CFAP45: variants seen among roughly 807,000 people sequenced by gnomAD.
The protein encoded by CFAP45 is cilia and flagella associated protein 45.
CFAP45 carries 43 observed loss-of-function variants against 75.6 expected under a neutral mutation model. The ratio of observed to expected loss-of-function variants is 0.57; its 90% CI spans 0.45 to 0.73. The LOEUF (loss-of-function observed/expected upper bound fraction) is 0.73, where lower values mean the gene tolerates loss of function less well. Ranked by LOEUF, CFAP45 falls within the 30% of genes least tolerant of loss-of-function variation. CFAP45 has a pLI of 0.00. For synonymous variants in CFAP45, 223 were observed against 244.6 expected (o/e 0.91, Z 0.82); for missense variants, 689 against 701.5 (o/e 0.98, Z 0.20).
Position 159,886,629 on chromosome 1 carries a change from T to C in CFAP45, c.649A>G (p.Ile217Val). The C allele has an allele frequency of 6.2e-7, 1 of 1,614,220 alleles. No individual in the cohort carries two copies. The highest frequency in any genetic ancestry group is 1.1e-5 in the South Asian group (1 of 91,086). The change falls in exon 6 of 12, where the codon ATC becomes GTC. Residue 217 changes from isoleucine (I) to valine (V), a missense_variant. Transcript: ENST00000368099. ...RDAQILEKQQ[I>V]QKELDTEEKR... is the part of the protein sequence containing the mutation. ...TCTTCTGTGTCCAGTTCTTTTTGGA[T>C]CTGCTGCTTCTCCAGGATTTGGGCA...
intron 7 of CFAP45, among the ~76,000 whole-genome samples, chr1:159,883,333 A>AAAAC (rs1228716669): frequency 9.2e-5 from 14 of 152,098 alleles, no homozygotes; most frequent in Non-Finnish European, 1.8e-4. Context: ...CTTCTAGATC[A>AAAAC]AAACAAACTA....
intron 1 of CFAP45, among the ~76,000 whole-genome samples, chr1:159,896,655 A>G (rs1295794278): frequency 6.6e-6 from 1 of 152,242 alleles, no homozygotes; most frequent in Non-Finnish European, 1.5e-5. Context: ...AAGCACATCC[A>G]GTCCTGCTTG....
At chr1:159,880,829 A>G (rs2101843842) in intron 7 of CFAP45, 129 bp from the exon 8 acceptor site, 1 of 783,958 alleles carries the variant, frequency 1.3e-6, no homozygotes, top group South Asian at 2.1e-5. Context: ...GTCCACAACT[A>G]TCCTTTGTTA....
chr1:159,890,997 G>C (rs1649817158), intron 2 of CFAP45, among the ~76,000 whole-genome samples: 1 of 152,070 alleles, frequency 6.6e-6, no homozygotes, highest in African/African-American at 2.4e-5. Flanking sequence ...GACCTCAGAT[G>C]ATCCGCCCGC....
At chr1:159,885,836 A>T (rs973789049) in intron 6 of CFAP45, among the ~76,000 whole-genome samples, 1 of 152,190 alleles carries the variant, frequency 6.6e-6, no homozygotes, top group African/African-American at 2.4e-5. Context: ...GCAAAGCTAT[A>T]TATAAAGGGA....
intron 6 of CFAP45, among the ~76,000 whole-genome samples, chr1:159,885,878 A>T (rs929806450): frequency 6.6e-6 from 1 of 152,204 alleles, no homozygotes; most frequent in Non-Finnish European, 1.5e-5. Flanking sequence ...GGAAAAGGAA[A>T]GAAAAGGGTA....
chr1:159,882,336 A>G (rs1051671669), intron 7 of CFAP45, among the ~76,000 whole-genome samples: 2 of 152,202 alleles, frequency 1.3e-5, no homozygotes, highest in Non-Finnish European at 2.9e-5. Context: ...ACTGGCCCTC[A>G]AAGCTAAAGA....
At chr1:159,887,738 C>G in intron 5 of CFAP45, 103 bp downstream of exon 5, 5 of 1,162,142 alleles carry the variant, frequency 4.3e-6, no homozygotes, top group Non-Finnish European at 4.9e-6. Context: ...CCCACCCCTG[C>G]CCACACCCCC....
intron 3 of CFAP45, 133 bp downstream of exon 3, chr1:159,890,347 G>T: frequency 1.2e-6 from 1 of 805,096 alleles, no homozygotes; most frequent in Non-Finnish European, 2.0e-6. Flanking sequence ...AAACAAAAAG[G>T]GGAAAACGAA....
chr1:159,883,623 A>AATATATATATATATATATATAT (rs59275156), intron 7 of CFAP45, among the ~76,000 whole-genome samples: 1 of 72,120 alleles, frequency 1.4e-5, no homozygotes, highest in Non-Finnish European at 3.4e-5. Flanking sequence ...TTAACAATAA[A>AATATATATATATATATATATAT]ATATATATAT....
At chr1:159,894,985 G>T (rs1362046394) in intron 1 of CFAP45, among the ~76,000 whole-genome samples, 1 of 152,212 alleles carries the variant, frequency 6.6e-6, no homozygotes, top group East Asian at 1.9e-4. Context: ...TCTAGGTTTT[G>T]ATTTTGGTCT....
At chr1:159,893,565 A>G (rs1226626172) in intron 1 of CFAP45, among the ~76,000 whole-genome samples, 2 of 152,218 alleles carry the variant, frequency 1.3e-5, no homozygotes, top group African/African-American at 2.4e-5. Flanking sequence ...TTGATCTCAT[A>G]GAAGTACAGA....
intron 1 of CFAP45, among the ~76,000 whole-genome samples, chr1:159,895,005 C>T (rs565784681): frequency 6.6e-6 from 1 of 152,238 alleles, no homozygotes; most frequent in African/African-American, 2.4e-5. Context: ...TTGGTTCCAG[C>T]TGCAGAAACT....
chr1:159,884,359 A>G, intron 7 of CFAP45, 77 bp downstream of exon 7: 3 of 1,459,892 alleles, frequency 2.1e-6, no homozygotes, highest in Non-Finnish European at 2.8e-6. Flanking sequence ...ATCAGTCAAC[A>G]CCCTGAAACC....
chr1:159,894,463 T>C (rs1223392630), intron 1 of CFAP45, among the ~76,000 whole-genome samples: 1 of 152,224 alleles, frequency 6.6e-6, no homozygotes, highest in Non-Finnish European at 1.5e-5. Flanking sequence ...CCACAGGATA[T>C]AAAGGATGGA....
intron 7 of CFAP45, 25 bp downstream of exon 7, chr1:159,884,411 T>C (rs1242089798): frequency 6.3e-7 from 1 of 1,581,154 alleles, no homozygotes; most frequent in East Asian, 2.3e-5. Flanking sequence ...TGGTGAAACG[T>C]GGCATTGTCT....
At chr1:159,886,394 T>C in intron 6 of CFAP45, 117 bp downstream of exon 6, 1 of 920,600 alleles carries the variant, frequency 1.1e-6, no homozygotes, top group South Asian at 1.6e-5. Context: ...AGTTTTGAGA[T>C]AATAAGTAGA....
In CFAP45 at chr1:159,877,350, TG is replaced by T; in HGVS notation, c.1156del (p.Gln386ArgfsTer140). The T allele has an allele frequency of 6.2e-7, 1 of 1,600,004 alleles. No homozygotes were observed. The highest frequency in any genetic ancestry group is 8.6e-7 in the Non-Finnish European group (1 of 1,167,054). ...GGGAAGTCGAGACTAAGCAGGTACC[TG>T]TTCTGCCTGGTAATCCTGGGCCTTC... ...QEKAQDYQAE[Q>X]DALRAKRNQE... On this transcript the variant is annotated frameshift_variant and splice_region_variant, in exon 9 of 12. Transcript: ENST00000368099. LOFTEE classifies it high-confidence loss of function.
chr1:159,890,687 T>G (rs1195537005), intron 2 of CFAP45, 65 bp from the exon 3 acceptor site: 1 of 1,510,346 alleles, frequency 6.6e-7, no homozygotes, highest in Non-Finnish European at 9.2e-7. Flanking sequence ...CAGTCCTAAC[T>G]TCAAGGATAG....
Sources: gnomAD v4.1 joint callset for allele counts (sites outside exome capture counted in the v4.1 genomes callset) on GRCh38, gnomAD v4.1.1 for gene constraint, MANE v1.5 for transcripts, NCBI Gene and HGNC (gene_info 2026-07-23, HGNC 2026-07-21) for gene names.